Variants in BORCS5 observed in about 807,000 individuals in gnomAD.
BORCS5 encodes the protein BLOC-1 related complex subunit 5.
A neutral mutation model predicts 22.1 loss-of-function variants in BORCS5; 17 were observed. That is an observed-to-expected ratio of 0.77 (90% CI 0.53 to 1.15). The LOEUF (loss-of-function observed/expected upper bound fraction) is 1.15, where lower values mean the gene tolerates loss of function less well. Ranked by LOEUF, BORCS5 falls within the 50% of genes most tolerant of loss-of-function variation. The probability of loss-of-function intolerance (pLI) is 0.00; values close to 1 mark genes in which losing one functional copy is unlikely to be tolerated. For synonymous variants in BORCS5, 117 were observed against 99.8 expected (o/e 1.17, Z -1.03); for missense variants, 247 against 253.2 (o/e 0.98, Z 0.17).
chr12:12,410,389 G>C (rs1382071474), intron 2 of BORCS5, among the ~76,000 whole-genome samples: 1 of 152,130 alleles, frequency 6.6e-6, no homozygotes, highest in African/African-American at 2.4e-5. Flanking sequence ...AATCCATCTT[G>C]AATTAGTTTT....
intron 2 of BORCS5, among the ~76,000 whole-genome samples, chr12:12,371,302 G>A (rs1327869624): frequency 3.3e-5 from 5 of 151,850 alleles, no homozygotes; most frequent in Admixed American, 1.3e-4. Context: ...TTATATGTTC[G>A]TGTATTTGGC....
chr12:12,393,709 G>A (rs1407034016), intron 2 of BORCS5, among the ~76,000 whole-genome samples: 4 of 5,378 alleles, frequency 7.4e-4, no homozygotes, highest in Admixed American at 4.7e-3. Flanking sequence ...TAGTAGAGGC[G>A]GGGTTTCACC....
At chr12:12,415,221 G>A (rs1354922143) in intron 2 of BORCS5, among the ~76,000 whole-genome samples, 155 of 151,282 alleles carry the variant, frequency 1.0e-3, no homozygotes, top group African/African-American at 3.2e-3. Context: ...AGGTTGTAGC[G>A]AGCCGAGATC....
At chr12:12,409,185 G>T (rs1279018259) in intron 2 of BORCS5, among the ~76,000 whole-genome samples, 2 of 151,724 alleles carry the variant, frequency 1.3e-5, no homozygotes, top group African/African-American at 4.8e-5. Context: ...AATGATTAGG[G>T]ATGTCAGGAA....
At chr12:12,421,061 C>A (rs1942108392) in intron 2 of BORCS5, among the ~76,000 whole-genome samples, 1 of 152,132 alleles carries the variant, frequency 6.6e-6, no homozygotes, top group Non-Finnish European at 1.5e-5. Flanking sequence ...TGCCTGATTG[C>A]CCTGGCCAGA....
Position 12,385,795 on chromosome 12 carries a change from G to A in BORCS5, c.202+24446G>A, listed in dbSNP as rs925790924. The stretch of plus-strand genomic sequence containing the variant: ...AGTGTTGGGATTACAGGCGTGAGCC[G>A]CCACACTTGGCCAAGTTCATTCATT... On this transcript the variant is annotated intron_variant, in intron 2 of 3. Transcript: ENST00000314565. 1.7e-4 allele frequency among the ~76,000 whole-genome samples: 25 copies of A among 150,784 alleles called. 1 individual carries two copies. In the East Asian group the frequency reaches 3.7e-3, roughly 23 times the overall value.
rs1943217617 is a variant in BORCS5, at chr12:12,467,160, T to C, written c.*1384T>C. 6.6e-6 allele frequency: 1 copy of C among 152,230 alleles called. No homozygotes were observed. Among genetic ancestry groups the C allele is most frequent in the Non-Finnish European group, 1.5e-5 (1 of 68,042 alleles). The allele number at this position is 152,230 out of a possible 1,614,324, so 9.4% of individuals were successfully genotyped here. A position where few individuals can be genotyped will look rare whatever the true frequency, so the allele number is the denominator to read the frequency against. On this transcript the variant is annotated 3_prime_UTR_variant, in exon 4 of 4. Coordinates refer to ENST00000314565, the MANE Select transcript of BORCS5 (RefSeq NM_058169.6). ...AGAATAATACAATGAATATTCATATTTCTTTCACCTAGATTGACAAAAAGT... is the reference window on the plus strand; with the variant it reads ...AGAATAATACAATGAATATTCATATCTCTTTCACCTAGATTGACAAAAAGT...
intron 1 of BORCS5, among the ~76,000 whole-genome samples, chr12:12,357,821 G>T (rs1863181322): frequency 1.3e-5 from 2 of 152,230 alleles, no homozygotes; most frequent in Non-Finnish European, 2.9e-5. Context: ...CATGGCTGAT[G>T]TAGTGAGATT....
At chr12:12,435,570 TA>T in intron 2 of BORCS5, 57 bp from the exon 3 acceptor site, 3 of 1,443,398 alleles carry the variant, frequency 2.1e-6, no homozygotes, top group Non-Finnish European at 9.5e-7. Flanking sequence ...TAAACTACTT[TA>T]TTCACAAGTT....
At chr12:12,403,043 G>C (rs1003253302) in intron 2 of BORCS5, among the ~76,000 whole-genome samples, 1 of 150,826 alleles carries the variant, frequency 6.6e-6, no homozygotes, top group African/African-American at 2.4e-5. Flanking sequence ...CCACTTTTTC[G>C]TTAATAATAA....
chr12:12,397,251 G>A (rs1008322680), intron 2 of BORCS5, among the ~76,000 whole-genome samples: 14 of 152,098 alleles, frequency 9.2e-5, no homozygotes, highest in African/African-American at 1.4e-4. Flanking sequence ...TTCTAGGTGC[G>A]TTGGATCTAA....
intron 2 of BORCS5, among the ~76,000 whole-genome samples, chr12:12,362,951 T>G (rs1429668721): frequency 4.0e-5 from 6 of 151,782 alleles, no homozygotes; most frequent in Non-Finnish European, 8.8e-5. Flanking sequence ...TTGCATGGCC[T>G]ACTCATCTTC....
chr12:12,394,691 A>G (rs1195883919), intron 2 of BORCS5, among the ~76,000 whole-genome samples: 1 of 151,966 alleles, frequency 6.6e-6, no homozygotes, highest in Non-Finnish European at 1.5e-5. Flanking sequence ...ATTACAATCT[A>G]GTATAGAAAA....
chr12:12,458,865 G>A (rs995829308), intron 3 of BORCS5, among the ~76,000 whole-genome samples: 13 of 151,318 alleles, frequency 8.6e-5, no homozygotes, highest in Non-Finnish European at 1.6e-4. Context: ...CCAGCTACTC[G>A]GGAGGCTGAG....
At chr12:12,405,009 A>G (rs748964959) in intron 2 of BORCS5, among the ~76,000 whole-genome samples, 17 of 152,270 alleles carry the variant, frequency 1.1e-4, no homozygotes, top group African/African-American at 3.1e-4. Flanking sequence ...CCAGAGAACT[A>G]CTTTGTGTAA....
chr12:12,429,297 G>A (rs1942363546), intron 2 of BORCS5, among the ~76,000 whole-genome samples: 1 of 152,206 alleles, frequency 6.6e-6, no homozygotes, highest in Non-Finnish European at 1.5e-5. Context: ...GAGGGAGATG[G>A]TTTCCTGGCA....
chr12:12,374,637 T>A (rs1432544202), intron 2 of BORCS5, among the ~76,000 whole-genome samples: 1 of 148,438 alleles, frequency 6.7e-6, no homozygotes, highest in Non-Finnish European at 1.5e-5. Flanking sequence ...TCAAATAAAA[T>A]AAAATAAAAT....
chr12:12,464,021 G>A (rs4763831), intron 3 of BORCS5, among the ~76,000 whole-genome samples: 25,146 of 152,122 alleles, frequency 0.17, 3,197 homozygotes, highest in African/African-American at 0.36. Context: ...TCTCTCAGGT[G>A]TGTGGAGTGT....
At chr12:12,430,504 A>T (rs79069047) in intron 2 of BORCS5, among the ~76,000 whole-genome samples, 1 of 152,140 alleles carries the variant, frequency 6.6e-6, no homozygotes, top group African/African-American at 2.4e-5. Context: ...AGAATTAAAG[A>T]TGAGGTTTTT....
Sources: allele counts gnomAD v4.1 joint callset (sites outside exome capture counted in the v4.1 genomes callset), GRCh38; gene constraint gnomAD v4.1.1; transcripts MANE v1.5; gene names NCBI Gene and HGNC (gene_info 2026-07-23, HGNC 2026-07-21).